The following TF variants were observed in gnomAD, a reference collection of about 807,000 sequenced individuals.
TF encodes the protein serotransferrin.
Under a neutral mutation model 82.4 loss-of-function variants are expected in TF, and 55 were observed. That is an observed-to-expected ratio of 0.67 (90% confidence interval 0.54 to 0.84). TF has a LOEUF of 0.84. TF is among the 40% of genes least tolerant of loss of function. The pLI, the probability that TF is intolerant of heterozygous loss-of-function variation, is 0.00. For missense variants in TF, 737 were observed against 868.4 expected (o/e 0.85, Z 1.90); for synonymous variants, 332 against 332.6 (o/e 1.00, Z 0.02).
intron 14 of TF, chr3:133,774,911 G>A (rs543746841): frequency 8.0e-5 from 29 of 361,878 alleles, no homozygotes; most frequent in Admixed American, 7.3e-4. Flanking sequence ...CAAAGGGGCC[G>A]AGATGGGATA....
chr3:133,672,503 A>G, the TF span, among the ~76,000 whole-genome samples: 7 of 152,106 alleles, frequency 4.6e-5, no homozygotes, highest in Admixed American at 1.3e-4. Flanking sequence ...TATGTAAAAA[A>G]ATGTTATACG....
chr3:133,728,915 T>G, the TF span, among the ~76,000 whole-genome samples: 28 of 152,312 alleles, frequency 1.8e-4, no homozygotes, highest in African/African-American at 6.3e-4. Flanking sequence ...TTGCTAGAGG[T>G]CCACTCCAGA....
the TF span, among the ~76,000 whole-genome samples, chr3:133,693,557 G>A: frequency 3.3e-5 from 5 of 152,178 alleles, no homozygotes; most frequent in South Asian, 2.1e-4. Context: ...AGCCTGGATC[G>A]CAGCTCTGGC....
chr3:133,725,433 T>A, the TF span, among the ~76,000 whole-genome samples: 1 of 152,018 alleles, frequency 6.6e-6, no homozygotes, highest in African/African-American at 2.4e-5. Flanking sequence ...GAATGGGAGT[T>A]CACTCATGAT....
At chr3:133,746,385 G>A (rs1472473629), upstream of TF, 3 of 1,560,968 alleles carry the variant, frequency 1.9e-6, no homozygotes, top group East Asian at 7.2e-5. Context: ...CGGGGCGCCG[G>A]AGGCTGCACA....
chr3:133,663,268 A>C, the TF span, among the ~76,000 whole-genome samples: 2 of 152,122 alleles, frequency 1.3e-5, no homozygotes, highest in Admixed American at 1.3e-4. Context: ...CTCCTAATTC[A>C]GAATCCCATT....
Position 133,794,049 on chromosome 3 carries a change from C to T in TF, c.*15429C>T, listed in dbSNP as rs1934908183. 1 of 152,140 alleles carries T rather than the reference C, an allele frequency of 6.6e-6. No homozygotes were observed. The highest frequency in any genetic ancestry group is 1.5e-5 in the Non-Finnish European group (1 of 68,012). The allele number at this position is 152,140 out of a possible 1,614,324, so 9.4% of individuals were successfully genotyped here. The stretch of plus-strand genomic sequence containing the variant: ...AAACTCCATCATTTAAATCAAATTA[C>T]CTATGATAACCCATCAGTTATCAGT... On this transcript the variant is annotated 3_prime_UTR_variant, in exon 17 of 17. Coordinates refer to ENST00000402696, the MANE Select transcript of TF (RefSeq NM_001063.4).
chr3:133,755,279 C>T, intron 4 of TF, 84 bp from the exon 5 acceptor site: 2 of 1,597,338 alleles, frequency 1.3e-6, no homozygotes, highest in Middle Eastern at 1.9e-4. Flanking sequence ...CCCCTCTGTT[C>T]CCTGATGGGC....
chr3:133,746,247 G>C, upstream of TF: 1 of 660,492 alleles, frequency 1.5e-6, no homozygotes, highest in South Asian at 1.7e-5. Flanking sequence ...CTCAGAAAAT[G>C]AGGTGATCAG....
Position 133,795,459 on chromosome 3 carries a change from G to C in TF, c.*16839G>C, listed in dbSNP as rs2035518783. 2 of 152,064 alleles carry C rather than the reference G, an allele frequency of 1.3e-5. No homozygotes were observed. Among genetic ancestry groups the C allele is most frequent in the African/African-American group, 4.8e-5 (2 of 41,394 alleles). 9.4% of individuals were successfully genotyped at this position (152,064 alleles called of 1,614,324 possible). ...CATGAGGACACTGTAACCTACGAAT[G>C]ATGTGCTGAGTCCAAAAGCCCAAAG... On this transcript the variant is annotated 3_prime_UTR_variant, in exon 17 of 17. Transcript: ENST00000402696.
chr3:133,698,400 T>C, the TF span, among the ~76,000 whole-genome samples: 1 of 152,216 alleles, frequency 6.6e-6, no homozygotes, highest in African/African-American at 2.4e-5. Context: ...CTGGGTGGTT[T>C]AAGCAACATA....
At chr3:133,748,650 G>T in intron 2 of TF, 66 bp downstream of exon 2, 1 of 1,583,250 alleles carries the variant, frequency 6.3e-7, no homozygotes, top group South Asian at 1.1e-5. Context: ...AGTCACTTTG[G>T]AACAATTCTT....
the TF span, among the ~76,000 whole-genome samples, chr3:133,731,527 T>G: frequency 0.59 from 89,188 of 151,980 alleles, 26,700 homozygotes; most frequent in East Asian, 0.76. Context: ...TTGCCAAAGG[T>G]CCCAGCAGCA....
At chr3:133,757,135 TG>T in intron 7 of TF, 126 bp downstream of exon 7, 1 of 1,266,368 alleles carries the variant, frequency 7.9e-7, no homozygotes, top group Non-Finnish European at 1.1e-6. Flanking sequence ...CCATGCCACA[TG>T]TCACTAAGTT....
the TF span, among the ~76,000 whole-genome samples, chr3:133,706,178 C>T: frequency 6.6e-6 from 1 of 152,196 alleles, no homozygotes; most frequent in African/African-American, 2.4e-5. Context: ...TGCTGCCTGC[C>T]CATCTCTGTG....
At chr3:133,711,941 C>A in the TF span, among the ~76,000 whole-genome samples, 459 of 152,188 alleles carry the variant, frequency 3.0e-3, 5 homozygotes, top group African/African-American at 0.011. Flanking sequence ...CCAACACAGG[C>A]CTGTGCAGAT....
At chr3:133,665,883 C>T in the TF span, among the ~76,000 whole-genome samples, 2 of 141,954 alleles carry the variant, frequency 1.4e-5, no homozygotes, top group Non-Finnish European at 3.0e-5. Context: ...TGTGGTGAGC[C>T]GAGATTGCAC....
At chr3:133,749,969 A>T (rs1021594586) in intron 2 of TF, among the ~76,000 whole-genome samples, 1 of 152,184 alleles carries the variant, frequency 6.6e-6, no homozygotes, top group Non-Finnish European at 1.5e-5. Context: ...TGTGTCTGAT[A>T]GCTGGCAGTT....
chr3:133,789,824 G>T lies in TF; in HGVS notation c.*11204G>T, dbSNP rs1043977529. On this transcript the variant is annotated 3_prime_UTR_variant, in exon 17 of 17. Coordinates refer to ENST00000402696, the MANE Select transcript of TF (RefSeq NM_001063.4). ...TAGATATTTTGAGGTGTTAGGGTTT[G>T]GCATAGAAGGTTATAAAACTATAAA... 6.7e-6 allele frequency: 1 copy of T among 148,462 alleles called. No individual in the cohort carries two copies. The highest frequency in any genetic ancestry group is 1.5e-5 in the Non-Finnish European group (1 of 67,686). The allele number at this position is 148,462 out of a possible 1,614,324, so 9.2% of individuals were successfully genotyped here.
Sources: gnomAD v4.1 joint callset for allele counts (sites outside exome capture counted in the v4.1 genomes callset) on GRCh38, gnomAD v4.1.1 for gene constraint, MANE v1.5 for transcripts, NCBI Gene and HGNC (gene_info 2026-07-23, HGNC 2026-07-21) for gene names.